PTPRG: variants seen among roughly 807,000 people sequenced by gnomAD.
The protein encoded by PTPRG is receptor-type tyrosine-protein phosphatase gamma.
In PTPRG, 102 loss-of-function variants were observed where a neutral mutation model predicts 165.3. The ratio of observed to expected loss-of-function variants is 0.62; its 90% confidence interval spans 0.53 to 0.73. PTPRG has a LOEUF of 0.73. Among genes scored for constraint, PTPRG ranks in the 30% least tolerant of loss-of-function variants. The pLI is 0.00. For missense variants in PTPRG, 1,866 were observed against 1,861.4 expected (o/e 1.00, Z -0.05); for synonymous variants, 675 against 669.5 (o/e 1.01, Z -0.13).
intron 1 of PTPRG, among the ~76,000 whole-genome samples, chr3:61,571,585 T>C (rs921136798): frequency 6.6e-6 from 1 of 152,214 alleles, no homozygotes; most frequent in Admixed American, 6.5e-5. Flanking sequence ...CTTTAGCTTC[T>C]GAATAAGCTG....
chr3:61,748,133 C>T (rs755154758), intron 1 of PTPRG, among the ~76,000 whole-genome samples: 2 of 152,142 alleles, frequency 1.3e-5, no homozygotes, highest in Non-Finnish European at 2.9e-5. Context: ...CTTTTGTGGG[C>T]ATTGTGGGCC....
intron 7 of PTPRG, among the ~76,000 whole-genome samples, chr3:62,158,046 A>G (rs1052186843): frequency 6.6e-6 from 1 of 152,112 alleles, no homozygotes; most frequent in African/African-American, 2.4e-5. Flanking sequence ...TCTGACCACT[A>G]TATTGTACTG....
intron 1 of PTPRG, among the ~76,000 whole-genome samples, chr3:61,626,011 GTTTT>G (rs1368296932): frequency 8.5e-6 from 1 of 117,876 alleles, no homozygotes; most frequent in Non-Finnish European, 1.7e-5. Context: ...GGGTTTGTTT[GTTTT>G]TTTTTTTTGG....
At chr3:62,050,313 A>C (rs1002629027) in intron 4 of PTPRG, among the ~76,000 whole-genome samples, 10 of 152,212 alleles carry the variant, frequency 6.6e-5, no homozygotes, top group African/African-American at 2.4e-4. Context: ...AATACTTACC[A>C]TCATGTTACA....
rs117854159 is a variant in PTPRG, at chr3:62,035,886, C to A, written c.519+32389C>A. Reference sequence around the variant, plus strand: ...TACCTAAGCCTTACATGGTTGTAGGCCTATGTCCAGCAATTGGTGGGAGCA... The same window carrying A: ...TACCTAAGCCTTACATGGTTGTAGGACTATGTCCAGCAATTGGTGGGAGCA... On this transcript the variant is annotated intron_variant, in intron 4 of 29. Transcript: ENST00000474889. Among the ~76,000 whole-genome samples the A allele has an allele frequency of 8.5e-4, 130 of 152,228 alleles. No homozygotes were observed. The East Asian group carries it at 0.019, about 23-fold the overall frequency.
At chr3:61,889,627 G>A (rs2038152829) in intron 2 of PTPRG, among the ~76,000 whole-genome samples, 1 of 152,172 alleles carries the variant, frequency 6.6e-6, no homozygotes, top group East Asian at 1.9e-4. Flanking sequence ...TGAGTCGTTA[G>A]CTCATTTGAA....
At chr3:61,760,342 T>C (rs2033793008) in intron 2 of PTPRG, among the ~76,000 whole-genome samples, 3 of 152,188 alleles carry the variant, frequency 2.0e-5, no homozygotes, top group Non-Finnish European at 4.4e-5. Context: ...TTTAAATAAA[T>C]ACTTGGCCCA....
chr3:61,879,181 G>A (rs2037820445), intron 2 of PTPRG, among the ~76,000 whole-genome samples: 3 of 152,178 alleles, frequency 2.0e-5, no homozygotes, highest in South Asian at 4.1e-4. Context: ...CTATAATGCT[G>A]TTCACTTTAC....
intron 2 of PTPRG, among the ~76,000 whole-genome samples, chr3:61,839,964 C>A (rs1029306061): frequency 6.6e-6 from 1 of 152,028 alleles, no homozygotes; most frequent in African/African-American, 2.4e-5. Context: ...TCTTTTTCCT[C>A]CAAAAAAGCT....
chr3:61,708,737 A>G (rs1372960877), intron 1 of PTPRG, among the ~76,000 whole-genome samples: 3 of 152,204 alleles, frequency 2.0e-5, no homozygotes, highest in East Asian at 3.9e-4. Flanking sequence ...AATTACAGGC[A>G]TGAGCCACCG....
At chr3:62,230,895 G>A (rs1317288540) in intron 13 of PTPRG, among the ~76,000 whole-genome samples, 2 of 152,216 alleles carry the variant, frequency 1.3e-5, no homozygotes, top group Admixed American at 1.3e-4. Flanking sequence ...GTGTGTCAAA[G>A]GTGGAAGAGT....
At chr3:62,153,170 T>G (rs1186055314) in intron 6 of PTPRG, among the ~76,000 whole-genome samples, 1 of 152,218 alleles carries the variant, frequency 6.6e-6, no homozygotes, top group Non-Finnish European at 1.5e-5. Context: ...CTTTGGTACT[T>G]TATAGAAAAC....
chr3:61,620,441 G>C (rs1701418247), intron 1 of PTPRG, among the ~76,000 whole-genome samples: 1 of 152,276 alleles, frequency 6.6e-6, no homozygotes, highest in South Asian at 2.1e-4. Context: ...TCATAATGAG[G>C]TGGCCTCACA....
intron 6 of PTPRG, among the ~76,000 whole-genome samples, chr3:62,139,861 G>C (rs1441555855): frequency 6.6e-6 from 1 of 152,150 alleles, no homozygotes; most frequent in Non-Finnish European, 1.5e-5. Flanking sequence ...AGTCACTCCA[G>C]GCCTCTAGCA....
intron 15 of PTPRG, among the ~76,000 whole-genome samples, chr3:62,251,988 C>A (rs976296633): frequency 6.6e-6 from 1 of 152,080 alleles, no homozygotes; most frequent in African/African-American, 2.4e-5. Context: ...GGTGGTTTTC[C>A]TCTCATTCTA....
At chr3:61,759,682 A>G (rs1207225623) in intron 2 of PTPRG, among the ~76,000 whole-genome samples, 2 of 152,018 alleles carry the variant, frequency 1.3e-5, no homozygotes, top group East Asian at 3.9e-4. Flanking sequence ...AATACTAACA[A>G]TGTATTCCTT....
chr3:61,973,523 TTC>T (rs2040431061), intron 2 of PTPRG, among the ~76,000 whole-genome samples: 1 of 152,110 alleles, frequency 6.6e-6, no homozygotes, highest in Non-Finnish European at 1.5e-5. Flanking sequence ...AATAGGACTC[TTC>T]ATTGTGTTTA....
At chr3:62,067,329 ATTC>A (rs1415066932) in intron 4 of PTPRG, among the ~76,000 whole-genome samples, 1 of 149,846 alleles carries the variant, frequency 6.7e-6, no homozygotes, top group Non-Finnish European at 1.5e-5. Context: ...GTGGGGCACT[ATTC>A]TTTGCATTTT....
At chr3:61,859,168 T>G (rs1434744070) in intron 2 of PTPRG, among the ~76,000 whole-genome samples, 1 of 152,200 alleles carries the variant, frequency 6.6e-6, no homozygotes, top group Non-Finnish European at 1.5e-5. Context: ...GCTTTAACTA[T>G]ATAGTAATGT....
Sources: allele counts gnomAD v4.1 joint callset (sites outside exome capture counted in the v4.1 genomes callset), GRCh38; gene constraint gnomAD v4.1.1; transcripts MANE v1.5; gene names NCBI Gene and HGNC (gene_info 2026-07-23, HGNC 2026-07-21).